NLRP11: variants seen among roughly 807,000 people sequenced by gnomAD.
The protein encoded by NLRP11 is NACHT, LRR and PYD domains-containing protein 11.
A neutral mutation model predicts 79.3 loss-of-function variants in NLRP11; 53 were observed. The observed-to-expected ratio is 0.67, with a 90% CI of 0.54 to 0.84. The LOEUF (loss-of-function observed/expected upper bound fraction) is 0.84, where lower values mean the gene tolerates loss of function less well. Among genes scored for constraint, NLRP11 ranks in the 40% least tolerant of loss-of-function variants. The pLI is 0.00. For missense variants in NLRP11, 1,264 were observed against 1,255.0 expected, an observed-to-expected ratio of 1.01 and a Z score of -0.11; for synonymous variants, 518 against 462.6, an observed-to-expected ratio of 1.12 and a Z score of -1.54.
intron 1 of NLRP11, among the ~76,000 whole-genome samples, chr19:55,820,414 C>T (rs1981573659): frequency 6.6e-6 from 1 of 152,084 alleles, no homozygotes; most frequent in African/African-American, 2.4e-5. Flanking sequence ...GAAAGGCCAC[C>T]AGTCAGTGGC....
Position 55,809,688 on chromosome 19 carries a change from A to G in NLRP11, c.922T>C (p.Tyr308His). 6.2e-7 allele frequency: 1 copy of G among 1,614,118 alleles called. No homozygotes were observed. The highest frequency in any genetic ancestry group is 8.5e-7 in the Non-Finnish European group (1 of 1,179,978). ...CGGTCTTTAAAGAAAGAGTTAAAAT[A>G]TATCTCCCTCTTCCCATTCGACAGC... Residue 308 changes from tyrosine (Y) to histidine (H), a missense_variant, in exon 3 of 10, where the codon TAT becomes CAT. By Grantham distance (83) the Tyr-to-His change is moderately conservative. Transcript: ENST00000589093. This position sits in a 1 kb window ranked among gnomAD's most constrained non-coding sequence, Gnocchi z 4.5.
At chr19:55,815,528 C>CAAAAAAAA (rs11343133) in intron 2 of NLRP11, among the ~76,000 whole-genome samples, 6 of 92,824 alleles carry the variant, frequency 6.5e-5, no homozygotes, top group African/African-American at 2.1e-4. Flanking sequence ...GACTCCATCT[C>CAAAAAAAA]AAAAAAAAAA....
intron 9 of NLRP11, among the ~76,000 whole-genome samples, chr19:55,788,114 G>T (rs1485343258): frequency 6.6e-6 from 1 of 152,202 alleles, no homozygotes; most frequent in Non-Finnish European, 1.5e-5. Flanking sequence ...ACACAGAAAG[G>T]AAGAGAACTT....
At chr19:55,821,611 C>T (rs559710490) in intron 1 of NLRP11, among the ~76,000 whole-genome samples, 6 of 152,294 alleles carry the variant, frequency 3.9e-5, no homozygotes, top group South Asian at 4.2e-4. Context: ...AGCAGGCAAA[C>T]CCATTAACAT....
At chr19:55,804,912 A>T (rs865917681) in intron 4 of NLRP11, among the ~76,000 whole-genome samples, 9 of 152,062 alleles carry the variant, frequency 5.9e-5, no homozygotes, top group African/African-American at 2.2e-4. Flanking sequence ...AAAATACAAA[A>T]ATTAGCCAGG....
At chr19:55,788,329 G>A (rs1398774841) in intron 9 of NLRP11, among the ~76,000 whole-genome samples, 2 of 151,204 alleles carry the variant, frequency 1.3e-5, no homozygotes, top group East Asian at 1.9e-4. Context: ...CTTTAAGAAC[G>A]AGGCATACAT....
chr19:55,798,308 T>C, intron 5 of NLRP11: 4 of 985,006 alleles, frequency 4.1e-6, no homozygotes, highest in Non-Finnish European at 4.8e-6. Flanking sequence ...GTGTATTCTA[T>C]TTGGAATGAA....
chr19:55,830,930 C>T (rs1568647433), intron 1 of NLRP11, among the ~76,000 whole-genome samples: 1 of 152,114 alleles, frequency 6.6e-6, no homozygotes, highest in Non-Finnish European at 1.5e-5. Flanking sequence ...AGGGGAATCA[C>T]CTGGGGAGTT....
At chr19:55,807,909 T>G (rs1980156878) in exon 4 of NLRP11, 2 of 1,612,948 alleles carry the variant, frequency 1.2e-6, no homozygotes, top group Non-Finnish European at 1.7e-6. Flanking sequence ...GAATCCTTTC[T>G]GAAATACCAT....
At chr19:55,819,125 CTACACACACACACACACACACACACA>C in intron 1 of NLRP11, among the ~76,000 whole-genome samples, 1 of 95,838 alleles carries the variant, frequency 1.0e-5, no homozygotes, top group African/African-American at 3.5e-5. Flanking sequence ...GTGGTATCGC[CTACACACACACACACACACACACACA>C]CACACACACA....
chr19:55,819,698 C>G (rs995124306), intron 1 of NLRP11, among the ~76,000 whole-genome samples: 1 of 152,142 alleles, frequency 6.6e-6, no homozygotes, highest in African/African-American at 2.4e-5. Context: ...CAGGTATCTG[C>G]TTGAGGCTAG....
At chr19:55,819,126 TAC>T (rs59055964) in intron 1 of NLRP11, among the ~76,000 whole-genome samples, 6,803 of 104,324 alleles carry the variant, frequency 0.065, 267 homozygotes, top group Non-Finnish European at 0.092. Flanking sequence ...TGGTATCGCC[TAC>T]ACACACACAC....
chr19:55,788,819 A>G (rs1162184233), exon 9 of NLRP11: 5 of 1,612,314 alleles, frequency 3.1e-6, no homozygotes, highest in African/African-American at 1.3e-5. Context: ...AACTACCTTA[A>G]GTACACAATC....
Position 55,809,211 on chromosome 19 carries a change from G to C in NLRP11, c.1399C>G (p.Pro467Ala), listed in dbSNP as rs757961174. 1 of 1,613,540 alleles carries C rather than the reference G, an allele frequency of 6.2e-7. No individual in the cohort carries two copies. The highest frequency in any genetic ancestry group is 1.3e-5 in the African/African-American group (1 of 74,992). Residue 467 changes from proline (P) to alanine (A), a missense_variant, in exon 3 of 10, where the codon CCC (proline) becomes GCC (alanine). Transcript: ENST00000589093. This position sits in a 1 kb window ranked among gnomAD's most constrained non-coding sequence, Gnocchi z 4.5. ...CTGCCTGAGGGGATCAGATAGTTGG[G>C]TACTGCCATCAGAAATGCAATGGCT...
Position 55,809,209 on chromosome 19 carries a change from G to T in NLRP11, c.1401C>A (p.Pro467=). Residue 467 remains proline, a synonymous_variant, in exon 3 of 10, where the codon CCC becomes CCA. Coordinates refer to ENST00000589093, the Ensembl canonical transcript of NLRP11. The surrounding 1 kb of genome is among the most constrained non-coding windows in gnomAD (Gnocchi z 4.5). ...TGCTGCCTGAGGGGATCAGATAGTT[G>T]GGTACTGCCATCAGAAATGCAATGG... 6.2e-7 allele frequency: 1 copy of T among 1,613,276 alleles called. No homozygotes were observed. The highest frequency in any genetic ancestry group is 8.5e-7 in the Non-Finnish European group (1 of 1,179,300).
intron 9 of NLRP11, among the ~76,000 whole-genome samples, chr19:55,788,510 G>C (rs1990021953): frequency 6.6e-6 from 1 of 151,546 alleles, no homozygotes; most frequent in Non-Finnish European, 1.5e-5. Flanking sequence ...GGAGGCCAAG[G>C]TGGACAGATC....
At chr19:55,805,632 C>T (rs1979915268) in intron 4 of NLRP11, among the ~76,000 whole-genome samples, 3 of 151,998 alleles carry the variant, frequency 2.0e-5, no homozygotes, top group South Asian at 2.1e-4. Context: ...CTGCGCCTCC[C>T]GGGTTTAAGC....
Position 55,808,987 on chromosome 19 carries a change from G to C in NLRP11, c.1623C>G (p.His541Gln), listed in dbSNP as rs766038941. Residue 541 changes from histidine (H) to glutamine (Q), a missense_variant, in exon 3 of 10, where the codon CAC becomes CAG. Coordinates refer to ENST00000589093, the Ensembl canonical transcript of NLRP11. Reference sequence around the variant, plus strand: ...AGAGACAGTAAAACAAAGGCATATGGTGCGTCAACTTTTCCGGGTCACGGT... The same window carrying C: ...AGAGACAGTAAAACAAAGGCATATGCTGCGTCAACTTTTCCGGGTCACGGT... 19 of 1,613,906 alleles carry C rather than the reference G, an allele frequency of 1.2e-5. No individual in the cohort carries two copies. The South Asian group carries it at 1.9e-4, about 16-fold the overall frequency.
intron 2 of NLRP11, among the ~76,000 whole-genome samples, chr19:55,812,891 C>T (rs1022690194): frequency 6.6e-6 from 1 of 152,096 alleles, no homozygotes; most frequent in Admixed American, 6.6e-5. Flanking sequence ...CTTTATTGTC[C>T]CCCTAAATCT....
Sources: allele counts gnomAD v4.1 joint callset (sites outside exome capture counted in the v4.1 genomes callset), GRCh38; gene constraint gnomAD v4.1.1; non-coding constraint Gnocchi (gnomAD v3.1); transcripts MANE v1.5; gene names NCBI Gene and HGNC (gene_info 2026-07-23, HGNC 2026-07-21).